MYCBP2: variants seen among roughly 807,000 people sequenced by gnomAD.
MYCBP2 encodes the protein E3 ubiquitin-protein ligase MYCBP2.
A neutral mutation model predicts 525.3 loss-of-function variants in MYCBP2; 120 were observed. The ratio of observed to expected loss-of-function variants is 0.23; its 90% CI spans 0.20 to 0.27. The LOEUF (loss-of-function observed/expected upper bound fraction) is 0.27, where lower values mean the gene tolerates loss of function less well. Among genes scored for constraint, MYCBP2 ranks in the 10% least tolerant of loss-of-function variants. The pLI, the probability that MYCBP2 is intolerant of heterozygous loss-of-function variation, is 1.00. For missense variants in MYCBP2, 4,149 were observed against 5,657.1 expected (o/e 0.73, Z 8.55); for synonymous variants, 1,894 against 1,955.8 (o/e 0.97, Z 0.83).
In MYCBP2 at chr13:77,218,661, G is replaced by C. The variant is rs985723235; in HGVS notation, c.2940-704C>G. 1.5e-4 allele frequency among the ~76,000 whole-genome samples: 23 copies of C among 152,152 alleles called. 1 individual carries two copies. Among genetic ancestry groups the C allele is most frequent in the African/African-American group, 4.8e-4 (20 of 41,430 alleles). Reference sequence around the variant, plus strand: ...CTGTGAACAGTAAAGAGGCCCATACGTGTCAAGTACTTGGATCAGCGTCTG... The same window carrying C: ...CTGTGAACAGTAAAGAGGCCCATACCTGTCAAGTACTTGGATCAGCGTCTG... On this transcript the variant is annotated intron_variant, in intron 20 of 82. Coordinates refer to ENST00000544440, the MANE Select transcript of MYCBP2 (RefSeq NM_015057.5).
chr13:77,171,862 C>T (rs944050693), intron 37 of MYCBP2, among the ~76,000 whole-genome samples: 2 of 152,034 alleles, frequency 1.3e-5, no homozygotes, highest in Non-Finnish European at 2.9e-5. Flanking sequence ...ATCAGTTCTC[C>T]GAGGAACTCA....
chr13:77,185,031 G>T, intron 32 of MYCBP2, 72 bp downstream of exon 32: 1 of 1,350,346 alleles, frequency 7.4e-7, no homozygotes, highest in Non-Finnish European at 1.0e-6. Context: ...TATGGCAACT[G>T]CAATTTATTT....
intron 52 of MYCBP2, among the ~76,000 whole-genome samples, chr13:77,128,595 AAAAC>A (rs1391378507): frequency 6.6e-6 from 1 of 151,926 alleles, no homozygotes; most frequent in Non-Finnish European, 1.5e-5. Flanking sequence ...TAATAAGTAT[AAAAC>A]AAAGTTTATC....
chr13:77,115,472 T>C (rs1255894547), intron 55 of MYCBP2, among the ~76,000 whole-genome samples: 2 of 151,910 alleles, frequency 1.3e-5, no homozygotes, highest in Non-Finnish European at 1.5e-5. Flanking sequence ...TTTGTTAACT[T>C]TTACTTCTAT....
Position 77,059,558 on chromosome 13 carries a change from CAGATAACT to C in MYCBP2, c.13097_13104del (p.Glu4366GlyfsTer8). On this transcript the variant is annotated frameshift_variant, in exon 77 of 83. Transcript: ENST00000544440. LOFTEE classifies it high-confidence loss of function. ...GCATCAGAACAAACACTGCCAACAG[CAGATAACT>C]CTGTTCCACTCCTGGAACCACAGAA... 1 of 1,614,106 alleles carries C rather than the reference CAGATAACT, an allele frequency of 6.2e-7. No homozygotes were observed. The highest frequency in any genetic ancestry group is 8.5e-7 in the Non-Finnish European group (1 of 1,179,970).
At chr13:77,317,440 G>A (rs892040721) in intron 1 of MYCBP2, among the ~76,000 whole-genome samples, 1 of 152,216 alleles carries the variant, frequency 6.6e-6, no homozygotes, top group Non-Finnish European at 1.5e-5. Flanking sequence ...ACAGAGTGAT[G>A]CTATGCGGAG....
intron 23 of MYCBP2, among the ~76,000 whole-genome samples, chr13:77,209,955 G>C (rs947167594): frequency 4.6e-5 from 7 of 152,170 alleles, no homozygotes; most frequent in African/African-American, 7.2e-5. Context: ...TGATGAGAAT[G>C]CAAGCAGGCA....
intron 15 of MYCBP2, 35 bp from the exon 16 acceptor site, chr13:77,243,986 A>G: frequency 6.8e-7 from 1 of 1,475,670 alleles, no homozygotes; most frequent in South Asian, 1.4e-5. Flanking sequence ...AAAAAAGACA[A>G]CTGAGATATT....
At chr13:77,239,657 C>T (rs2068518838) in intron 17 of MYCBP2, among the ~76,000 whole-genome samples, 1 of 152,146 alleles carries the variant, frequency 6.6e-6, no homozygotes, top group African/African-American at 2.4e-5. Context: ...ACTGGCTGTA[C>T]TCCCCCAGTT....
intron 29 of MYCBP2, among the ~76,000 whole-genome samples, chr13:77,189,417 T>G (rs1301510498): frequency 6.6e-6 from 1 of 152,200 alleles, no homozygotes; most frequent in African/African-American, 2.4e-5. Context: ...ACGTTATGTT[T>G]GTAGAGCTAC....
At chr13:77,086,259 C>T (rs967345980) in intron 62 of MYCBP2, among the ~76,000 whole-genome samples, 3 of 152,118 alleles carry the variant, frequency 2.0e-5, no homozygotes, top group African/African-American at 7.2e-5. Context: ...AACCAACTGA[C>T]AGCCTTTTAA....
At chr13:77,101,990 T>C (rs550738838) in intron 55 of MYCBP2, among the ~76,000 whole-genome samples, 2 of 152,114 alleles carry the variant, frequency 1.3e-5, no homozygotes, top group South Asian at 4.1e-4. Flanking sequence ...CTTTTACATT[T>C]AAATGATAAT....
chr13:77,093,029 T>G, intron 59 of MYCBP2, 136 bp downstream of exon 59: 1 of 786,022 alleles, frequency 1.3e-6, no homozygotes, highest in African/African-American at 1.8e-5. Context: ...ACATGTATGC[T>G]TTTTCTTACT....
chr13:77,148,166 A>G (rs1006445870), intron 47 of MYCBP2, among the ~76,000 whole-genome samples: 4 of 152,048 alleles, frequency 2.6e-5, no homozygotes, highest in African/African-American at 9.7e-5. Context: ...TGATACTAAA[A>G]TAGCCAAATG....
In MYCBP2 at chr13:77,067,782, G is replaced by C; in HGVS notation, c.12254C>G (p.Pro4085Arg). Residue 4085 changes from proline (P) to arginine (R), a missense_variant, in exon 71 of 83, where the codon CCA becomes CGA. Pro to Arg is a moderately radical substitution (Grantham distance 103, BLOSUM62 -2). Around this residue, in one of 21 missense-constraint regions of MYCBP2, gnomAD observed 148 missense variants for 179.4 expected, o/e 0.82. Transcript: ENST00000544440. ...ASIIGVKSLP[P>R]ADISDIIHST... ...GTGAATGATATCACTGATATCTGCTGGGGGGAGGGATTTCACTCCTATGAT... is the reference window on the plus strand; with the variant it reads ...GTGAATGATATCACTGATATCTGCTCGGGGGAGGGATTTCACTCCTATGAT... The C allele has an allele frequency of 6.2e-7, 1 of 1,613,970 alleles. No homozygotes were observed. Among genetic ancestry groups the C allele is most frequent in the Non-Finnish European group, 8.5e-7 (1 of 1,179,866 alleles).
At chr13:77,052,207 C>T (rs1043388946) in intron 80 of MYCBP2, among the ~76,000 whole-genome samples, 50 of 152,052 alleles carry the variant, frequency 3.3e-4, no homozygotes, top group African/African-American at 1.0e-3. Context: ...ACCTCTCTCT[C>T]TGTTTCTTTG....
At chr13:77,201,009 A>T (rs950198239) in intron 26 of MYCBP2, among the ~76,000 whole-genome samples, 4 of 152,162 alleles carry the variant, frequency 2.6e-5, no homozygotes, top group African/African-American at 7.2e-5. Context: ...ACCAGCTAAC[A>T]TCATAATGAC....
chr13:77,069,487 C>T (rs535814264), intron 69 of MYCBP2, among the ~76,000 whole-genome samples: 1 of 151,378 alleles, frequency 6.6e-6, no homozygotes, highest in East Asian at 1.9e-4. Flanking sequence ...CACCTGTAAT[C>T]CCAGCAGTTT....
At chr13:77,109,585 G>T (rs2048435900) in intron 55 of MYCBP2, 2 of 152,158 alleles carry the variant, frequency 1.3e-5, no homozygotes, top group South Asian at 2.1e-4. Context: ...GTGGTTGAGG[G>T]ATTTAAACTA....
Sources: gnomAD v4.1 joint callset for allele counts (sites outside exome capture counted in the v4.1 genomes callset) on GRCh38, gnomAD v4.1.1 for gene constraint, gnomAD v4.1.1 regional missense constraint, MANE v1.5 for transcripts, NCBI Gene and HGNC (gene_info 2026-07-23, HGNC 2026-07-21) for gene names.